ASCC3: variants seen among roughly 807,000 people sequenced by gnomAD.
ASCC3 encodes activating signal cointegrator 1 complex subunit 3.
A neutral mutation model predicts 256.3 loss-of-function variants in ASCC3; 158 were observed. The ratio of observed to expected loss-of-function variants is 0.62; its 90% CI spans 0.54 to 0.70. ASCC3 has a LOEUF of 0.70. ASCC3 is among the 30% of genes least tolerant of loss of function. The probability of loss-of-function intolerance (pLI) is 0.00; values close to 1 mark genes in which losing one functional copy is unlikely to be tolerated. For missense variants in ASCC3, 2,259 were observed against 2,626.0 expected, an observed-to-expected ratio of 0.86 and a Z score of 3.05; for synonymous variants, 948 against 883.4, an observed-to-expected ratio of 1.07 and a Z score of -1.30.
intron 33 of ASCC3, among the ~76,000 whole-genome samples, chr6:100,603,751 T>C (rs1772745006): frequency 6.6e-6 from 1 of 152,114 alleles, no homozygotes. Context: ...CCATTCATTT[T>C]TCAAATAATC....
intron 34 of ASCC3, among the ~76,000 whole-genome samples, chr6:100,599,914 A>C (rs939161141): frequency 6.6e-6 from 1 of 152,118 alleles, no homozygotes; most frequent in Non-Finnish European, 1.5e-5. Context: ...TATATTCTTT[A>C]TAATTAATAC....
intron 13 of ASCC3, 43 bp downstream of exon 13, chr6:100,715,419 A>G (rs372571985): frequency 2.0e-5 from 30 of 1,526,474 alleles, no homozygotes; most frequent in Non-Finnish European, 2.7e-5. Flanking sequence ...AGCACTCTCT[A>G]AAAGCAGATA....
chr6:100,793,126 T>C (rs17061100), intron 8 of ASCC3, among the ~76,000 whole-genome samples: 5,986 of 152,066 alleles, frequency 0.039, 146 homozygotes, highest in African/African-American at 0.057. Context: ...AATTAACTGA[T>C]AGAACTAAAC....
chr6:100,588,456 C>A (rs1249388133), intron 36 of ASCC3, among the ~76,000 whole-genome samples: 3 of 152,082 alleles, frequency 2.0e-5, no homozygotes, highest in Non-Finnish European at 4.4e-5. Flanking sequence ...TGGCTAGGAG[C>A]TGATATAAAT....
intron 36 of ASCC3, among the ~76,000 whole-genome samples, chr6:100,568,752 A>AATTATTATT (rs111974347): frequency 4.3e-3 from 596 of 139,618 alleles, no homozygotes; most frequent in South Asian, 6.7e-3. Context: ...CTTAGTCATA[A>AATTATTATT]ATTATTATTA....
At chr6:100,586,824 G>A (rs1206103402) in intron 36 of ASCC3, among the ~76,000 whole-genome samples, 1 of 151,906 alleles carries the variant, frequency 6.6e-6, no homozygotes, top group Non-Finnish European at 1.5e-5. Context: ...CAAATGTAAT[G>A]GGTAGCTTAA....
chr6:100,871,618 A>G (rs1258864006), intron 1 of ASCC3, among the ~76,000 whole-genome samples: 1 of 152,092 alleles, frequency 6.6e-6, no homozygotes, highest in Non-Finnish European at 1.5e-5. Flanking sequence ...AAAATTTTAA[A>G]AAGCCAGGCA....
chr6:100,530,496 G>A lies in ASCC3; in HGVS notation c.5775+9667C>T, dbSNP rs547397011. ...AGAACAACTGTACAATAGAGACAAAGATCCTCAAAATGAGAATAAAATTGG... is the reference window on the plus strand; with the variant it reads ...AGAACAACTGTACAATAGAGACAAAAATCCTCAAAATGAGAATAAAATTGG... On this transcript the variant is annotated intron_variant, in intron 37 of 41. Coordinates refer to ENST00000369162, the MANE Select transcript of ASCC3 (RefSeq NM_006828.4). 2.7e-3 allele frequency: 2,105 copies of A among 789,450 alleles called. 48 individuals are homozygous for A. In the South Asian group the frequency reaches 0.028, roughly 10 times the overall value. 48.9% of individuals were successfully genotyped at this position (789,450 alleles called of 1,614,324 possible).
At chr6:100,559,735 A>G (rs1769823316) in intron 36 of ASCC3, among the ~76,000 whole-genome samples, 1 of 151,858 alleles carries the variant, frequency 6.6e-6, no homozygotes, top group African/African-American at 2.4e-5. Flanking sequence ...AATCCCAAAT[A>G]CTTGGGAGGC....
chr6:100,636,698 G>A (rs903986902), intron 25 of ASCC3, among the ~76,000 whole-genome samples: 1 of 152,194 alleles, frequency 6.6e-6, no homozygotes, highest in Admixed American at 6.5e-5. Context: ...GAAATGAAAA[G>A]TGCTACTTCA....
At chr6:100,839,174 A>G (rs1295422395) in intron 4 of ASCC3, among the ~76,000 whole-genome samples, 1 of 152,154 alleles carries the variant, frequency 6.6e-6, no homozygotes, top group Admixed American at 6.6e-5. Context: ...ACAATTTTCC[A>G]GCATTCCCTT....
chr6:100,777,727 T>C (rs892048831), intron 8 of ASCC3, among the ~76,000 whole-genome samples: 4 of 151,988 alleles, frequency 2.6e-5, no homozygotes, highest in Non-Finnish European at 5.9e-5. Flanking sequence ...AGGACTAAGT[T>C]GAAATGTTGA....
At chr6:100,846,658 T>C (rs1346649944) in intron 4 of ASCC3, among the ~76,000 whole-genome samples, 1 of 152,308 alleles carries the variant, frequency 6.6e-6, no homozygotes, top group East Asian at 1.9e-4. Context: ...TACAGCTCTC[T>C]GAAAACAGTG....
At chr6:100,534,536 G>A (rs1462222482) in intron 37 of ASCC3, among the ~76,000 whole-genome samples, 3 of 152,218 alleles carry the variant, frequency 2.0e-5, no homozygotes, top group East Asian at 3.9e-4. Flanking sequence ...GATTTCAAAG[G>A]TAAAGGGCAA....
In ASCC3 at chr6:100,751,063, C is replaced by T. The variant is rs189378207; in HGVS notation, c.1737+15502G>A. Among the ~76,000 whole-genome samples, 24 of 152,160 alleles carry T rather than the reference C, an allele frequency of 1.6e-4. No homozygotes were observed. The East Asian group carries it at 2.7e-3, about 17-fold the overall frequency. ...GAAGTACCACTACTTATCAGATTTT[C>T]ACTGGCTCATAATCCAGATAAATTG... is the stretch of plus-strand genomic sequence containing the variant. On this transcript the variant is annotated intron_variant, in intron 10 of 41. Transcript: ENST00000369162.
At chr6:100,698,675 A>T (rs1292374280) in intron 13 of ASCC3, among the ~76,000 whole-genome samples, 1 of 152,162 alleles carries the variant, frequency 6.6e-6, no homozygotes, top group South Asian at 2.1e-4. Context: ...AATTTACATA[A>T]AAAATGTTTT....
At chr6:100,673,167 G>T (rs746567590) in intron 14 of ASCC3, among the ~76,000 whole-genome samples, 5 of 151,890 alleles carry the variant, frequency 3.3e-5, no homozygotes, top group Non-Finnish European at 5.9e-5. Flanking sequence ...AAATAAGTTG[G>T]CATTCCAGAG....
At chr6:100,827,196 C>T (rs1455618993) in intron 4 of ASCC3, among the ~76,000 whole-genome samples, 1 of 152,206 alleles carries the variant, frequency 6.6e-6, no homozygotes, top group Non-Finnish European at 1.5e-5. Flanking sequence ...CTGGGGTTCA[C>T]ATTTTGTGTT....
intron 16 of ASCC3, among the ~76,000 whole-genome samples, chr6:100,657,165 G>T (rs1409430970): frequency 6.6e-6 from 1 of 151,026 alleles, no homozygotes; most frequent in Non-Finnish European, 1.5e-5. Context: ...TATACTATTT[G>T]TTACTAAAAC....
Sources: gnomAD v4.1 joint callset for allele counts (sites outside exome capture counted in the v4.1 genomes callset) on GRCh38, gnomAD v4.1.1 for gene constraint, MANE v1.5 for transcripts, NCBI Gene and HGNC (gene_info 2026-07-23, HGNC 2026-07-21) for gene names.